The following CDK14 variants were observed in gnomAD, a reference collection of about 807,000 sequenced individuals.
The protein encoded by CDK14 is cyclin dependent kinase 14, also known as cyclin-dependent kinase 14.
Under a neutral mutation model 60.7 loss-of-function variants are expected in CDK14, and 34 were observed. The observed-to-expected ratio is 0.56, with a 90% CI of 0.43 to 0.75. The LOEUF (loss-of-function observed/expected upper bound fraction) is 0.75. Ranked by LOEUF, CDK14 falls within the 30% of genes least tolerant of loss-of-function variation. CDK14 has a pLI of 0.00. For missense variants in CDK14, 482 were observed against 564.1 expected (o/e 0.85, Z 1.47); for synonymous variants, 197 against 203.7 (o/e 0.97, Z 0.28).
At chr7:91,113,896 C>T (rs1230783092) in intron 13 of CDK14, among the ~76,000 whole-genome samples, 1 of 152,022 alleles carries the variant, frequency 6.6e-6, no homozygotes, top group African/African-American at 2.4e-5. Flanking sequence ...CTACTACTCC[C>T]CTTAATGCTT....
chr7:91,098,525 GAGAA>G (rs1799066256), intron 12 of CDK14, among the ~76,000 whole-genome samples: 2 of 134,582 alleles, frequency 1.5e-5, no homozygotes, highest in African/African-American at 5.3e-5. Flanking sequence ...AAGAAAGAAA[GAGAA>G]AAAAAAAAAG....
intron 8 of CDK14, among the ~76,000 whole-genome samples, chr7:90,945,487 G>A (rs995065394): frequency 6.6e-6 from 1 of 152,158 alleles, no homozygotes; most frequent in Non-Finnish European, 1.5e-5. Flanking sequence ...CTACTCCTCC[G>A]GGGAGAATTT....
intron 6 of CDK14, among the ~76,000 whole-genome samples, chr7:90,879,887 C>G (rs1791687801): frequency 1.3e-5 from 2 of 151,792 alleles, no homozygotes; most frequent in South Asian, 4.2e-4. Context: ...GCCCCCACTC[C>G]CCAGAGAAGG....
intron 8 of CDK14, among the ~76,000 whole-genome samples, chr7:90,922,805 AAAATTAT>A (rs1470565557): frequency 6.6e-6 from 1 of 152,180 alleles, no homozygotes; most frequent in Non-Finnish European, 1.5e-5. Flanking sequence ...CAAGCATATT[AAAATTAT>A]AAATATTTGA....
chr7:90,683,852 G>C (rs1195148939), intron 2 of CDK14, among the ~76,000 whole-genome samples: 1 of 152,024 alleles, frequency 6.6e-6, no homozygotes, highest in Non-Finnish European at 1.5e-5. Context: ...TTGGTACTGG[G>C]AATCTGCTTT....
chr7:91,153,199 A>G (rs1800872901), intron 14 of CDK14, among the ~76,000 whole-genome samples: 1 of 152,266 alleles, frequency 6.6e-6, no homozygotes, highest in African/African-American at 2.4e-5. Flanking sequence ...AGGCAGAGAA[A>G]CTTTCAACTT....
chr7:90,684,980 A>T (rs929872597), intron 2 of CDK14, among the ~76,000 whole-genome samples: 3 of 143,520 alleles, frequency 2.1e-5, no homozygotes, highest in Non-Finnish European at 4.6e-5. Flanking sequence ...ATATGTTTTT[A>T]TGCATAGATT....
chr7:91,155,405 G>T (rs150381209), intron 14 of CDK14, among the ~76,000 whole-genome samples: 304 of 152,298 alleles, frequency 2.0e-3, no homozygotes, highest in Non-Finnish European at 3.3e-3. Flanking sequence ...TGTATTTCAT[G>T]ATGGTTCTTT....
chr7:91,060,137 G>A (rs1260310579), intron 11 of CDK14, among the ~76,000 whole-genome samples: 2 of 152,032 alleles, frequency 1.3e-5, no homozygotes, highest in Non-Finnish European at 1.5e-5. Context: ...TTGTTGAATT[G>A]ATCCCTTTAC....
chr7:90,829,128 A>G (rs373963171), intron 5 of CDK14, among the ~76,000 whole-genome samples: 1 of 152,136 alleles, frequency 6.6e-6, no homozygotes, highest in South Asian at 2.1e-4. Flanking sequence ...TGAGCACAGC[A>G]TGAGGGAAAC....
chr7:90,616,306 A>G (rs865941629), intron 2 of CDK14, among the ~76,000 whole-genome samples: 6 of 152,330 alleles, frequency 3.9e-5, no homozygotes, highest in African/African-American at 9.6e-5. Context: ...TTATTAAAAA[A>G]TATAGGTAAA....
chr7:90,653,970 A>C (rs1265813139), intron 2 of CDK14, among the ~76,000 whole-genome samples: 1 of 152,154 alleles, frequency 6.6e-6, no homozygotes, highest in Non-Finnish European at 1.5e-5. Context: ...TTCACACTTC[A>C]TCCATGTCCC....
intron 11 of CDK14, among the ~76,000 whole-genome samples, chr7:91,051,651 C>T (rs1391676888): frequency 6.6e-6 from 1 of 152,156 alleles, no homozygotes; most frequent in East Asian, 1.9e-4. Flanking sequence ...ACAGGCAAAC[C>T]CATGCTCTAA....
intron 14 of CDK14, among the ~76,000 whole-genome samples, chr7:91,196,093 A>G (rs1253373442): frequency 6.6e-6 from 1 of 152,120 alleles, no homozygotes; most frequent in African/African-American, 2.4e-5. Context: ...TGTATTTTCC[A>G]TGTTGACTTA....
chr7:91,173,929 G>C (rs1184048403), intron 14 of CDK14, among the ~76,000 whole-genome samples: 1 of 152,224 alleles, frequency 6.6e-6, no homozygotes, highest in Non-Finnish European at 1.5e-5. Context: ...AAGCAGCCAG[G>C]AAGCTCCAAC....
chr7:91,169,149 C>G (rs952404232), intron 14 of CDK14, among the ~76,000 whole-genome samples: 12 of 152,224 alleles, frequency 7.9e-5, no homozygotes, highest in African/African-American at 2.9e-4. Flanking sequence ...CTTACATTTT[C>G]TTTGAACAGA....
At chr7:90,766,718 C>A (rs1804577749) in intron 4 of CDK14, among the ~76,000 whole-genome samples, 1 of 152,160 alleles carries the variant, frequency 6.6e-6, no homozygotes, top group South Asian at 2.1e-4. Flanking sequence ...CAGCCGAGGT[C>A]CGAGGGGAGT....
intron 4 of CDK14, among the ~76,000 whole-genome samples, chr7:90,789,744 C>T (rs1218722405): frequency 6.6e-6 from 1 of 151,938 alleles, no homozygotes; most frequent in African/African-American, 2.4e-5. Context: ...TTTGTTTTTT[C>T]CTATTTTAAT....
chr7:90,957,129 C>T (rs982848149), intron 9 of CDK14, among the ~76,000 whole-genome samples: 2 of 150,720 alleles, frequency 1.3e-5, no homozygotes, highest in Non-Finnish European at 3.0e-5. Context: ...GGTATATACC[C>T]AGTAATGGGA....
Sources: allele counts gnomAD v4.1 joint callset (sites outside exome capture counted in the v4.1 genomes callset), GRCh38; gene constraint gnomAD v4.1.1; transcripts MANE v1.5; gene names NCBI Gene and HGNC (gene_info 2026-07-23, HGNC 2026-07-21).